The following ATP11B variants were observed in gnomAD, a reference collection of about 807,000 sequenced individuals.
The protein encoded by ATP11B is ATPase phospholipid transporting 11B (putative).
Under a neutral mutation model 157.8 loss-of-function variants are expected in ATP11B, and 81 were observed. The observed-to-expected ratio is 0.51, with a 90% CI of 0.43 to 0.62. ATP11B has a LOEUF of 0.62. Ranked by LOEUF, ATP11B falls within the 20% of genes least tolerant of loss-of-function variation. The pLI, the probability that ATP11B is intolerant of heterozygous loss-of-function variation, is 0.00. For synonymous variants in ATP11B, 451 were observed against 469.4 expected, an observed-to-expected ratio of 0.96 and a Z score of 0.51; for missense variants, 1,165 against 1,402.2, an observed-to-expected ratio of 0.83 and a Z score of 2.70.
intron 1 of ATP11B, among the ~76,000 whole-genome samples, chr3:182,819,441 A>G (rs886687224): frequency 6.6e-6 from 1 of 152,132 alleles, no homozygotes; most frequent in Non-Finnish European, 1.5e-5. Flanking sequence ...TTCACTTGCA[A>G]CTGTGGAAGT....
At chr3:182,833,726 A>G (rs1236688583) in intron 4 of ATP11B, 2 of 152,238 alleles carry the variant, frequency 1.3e-5, no homozygotes, top group Admixed American at 1.3e-4. Flanking sequence ...TTGCTGATAA[A>G]TAGATGAAAA....
intron 10 of ATP11B, among the ~76,000 whole-genome samples, chr3:182,851,980 A>C (rs183633664): frequency 6.6e-6 from 1 of 152,344 alleles, no homozygotes; most frequent in Non-Finnish European, 1.5e-5. Context: ...ATGAAAACTG[A>C]ACACTAGAAT....
intron 1 of ATP11B, among the ~76,000 whole-genome samples, 174 bp from the exon 2 acceptor site, chr3:182,820,086 T>G (rs1217411615): frequency 6.6e-6 from 1 of 152,048 alleles, no homozygotes; most frequent in African/African-American, 2.4e-5. Flanking sequence ...TGTTTACCTG[T>G]GAAAGAAAAA....
intron 28 of ATP11B, among the ~76,000 whole-genome samples, chr3:182,904,772 C>G (rs959491995): frequency 6.6e-6 from 1 of 151,758 alleles, no homozygotes; most frequent in Non-Finnish European, 1.5e-5. Flanking sequence ...GCCTGTAACC[C>G]CAGCTACTCA....
rs1343763705 is a variant in ATP11B, at chr3:182,848,518, A to G, written c.812A>G (p.Asn271Ser). The G allele has an allele frequency of 6.3e-7, 1 of 1,579,182 alleles. No homozygotes were observed. Among genetic ancestry groups the G allele is most frequent in the Non-Finnish European group, 8.6e-7 (1 of 1,162,346 alleles). ...GGAATGGAAACTAAGATGGCATTAA[A>G]TTACAAGAGCAAATCACAGAAACGA... ...YTGMETKMALNYKSKSQKRSA... is the reference protein window; with the variant it reads ...YTGMETKMALSYKSKSQKRSA... Residue 271 changes from asparagine (N) to serine (S), a missense_variant, in exon 10 of 30, where the codon AAT (asparagine) becomes AGT (serine). Physicochemically the swap from Asn to Ser is conservative, Grantham distance 46. Around this residue, in one of 4 missense-constraint regions of ATP11B, gnomAD observed 737 missense variants for 930.5 expected, o/e 0.79. Coordinates refer to ENST00000323116, the MANE Select transcript of ATP11B (RefSeq NM_014616.3).
At chr3:182,915,915 A>G in intron 29 of ATP11B, 1 of 971,298 alleles carries the variant, frequency 1.0e-6, no homozygotes, top group Non-Finnish European at 1.2e-6. Context: ...TTAATATCAT[A>G]TTAGACTATA....
intron 28 of ATP11B, among the ~76,000 whole-genome samples, chr3:182,899,708 A>G (rs1723819315): frequency 6.6e-6 from 1 of 152,136 alleles, no homozygotes; most frequent in Admixed American, 6.5e-5. Context: ...TTTCCTCATT[A>G]GTAAAATTAT....
At chr3:182,816,826 G>C (rs1028915756) in intron 1 of ATP11B, among the ~76,000 whole-genome samples, 4 of 152,128 alleles carry the variant, frequency 2.6e-5, no homozygotes, top group Admixed American at 2.0e-4. Context: ...GCCCATTTAT[G>C]GATCCTGCTC....
intron 19 of ATP11B, among the ~76,000 whole-genome samples, chr3:182,875,060 G>A (rs1318709124): frequency 1.3e-5 from 2 of 152,068 alleles, no homozygotes; most frequent in Admixed American, 6.5e-5. Flanking sequence ...TCTAAATTCT[G>A]TCTTTTTTGT....
At chr3:182,819,235 A>AT (rs569354183) in intron 1 of ATP11B, among the ~76,000 whole-genome samples, 2,171 of 151,318 alleles carry the variant, frequency 0.014, 52 homozygotes, top group African/African-American at 0.051. Context: ...CGCCCGGCTA[A>AT]TTTTTTTTGT....
At chr3:182,858,517 G>T (rs1720596408) in intron 11 of ATP11B, among the ~76,000 whole-genome samples, 1 of 152,054 alleles carries the variant, frequency 6.6e-6, no homozygotes, top group Admixed American at 6.5e-5. Context: ...GTAAATAATT[G>T]TTCTCCAGGT....
intron 4 of ATP11B, among the ~76,000 whole-genome samples, chr3:182,831,628 G>A (rs553709217): frequency 6.6e-6 from 1 of 150,586 alleles, no homozygotes; most frequent in South Asian, 2.1e-4. Flanking sequence ...ACTTGTCCTC[G>A]AACACAGTAA....
intron 25 of ATP11B, among the ~76,000 whole-genome samples, chr3:182,893,686 C>T (rs1723328561): frequency 6.6e-6 from 1 of 152,168 alleles, no homozygotes; most frequent in Non-Finnish European, 1.5e-5. Context: ...ATAATGACTT[C>T]TTTTCCTCTG....
rs1280558820 is a variant in ATP11B, at chr3:182,836,098, G to T, written c.379G>T (p.Val127Phe). ...AGTAAATGGAGCTCCTGTTTATGTT[G>T]TTCGAAGTGGTGGCCTTGTAAAAAC... is the stretch of plus-strand genomic sequence containing the variant. ...NEVNGAPVYV[V>F]RSGGLVKTRS... is the part of the protein sequence containing the mutation. The change falls in exon 5 of 30, where the codon GTT becomes TTT. Residue 127 changes from valine to phenylalanine, a missense_variant. This residue lies in a region of ATP11B where 34 missense variants were observed against 79.6 expected (regional missense o/e 0.43). Coordinates refer to ENST00000323116, the MANE Select transcript of ATP11B (RefSeq NM_014616.3). 1 of 1,613,506 alleles carries T rather than the reference G, an allele frequency of 6.2e-7. No homozygotes were observed. Among genetic ancestry groups the T allele is most frequent in the Non-Finnish European group, 8.5e-7 (1 of 1,179,756 alleles).
chr3:182,826,120 A>G (rs1717702939), intron 2 of ATP11B, among the ~76,000 whole-genome samples: 2 of 152,214 alleles, frequency 1.3e-5, no homozygotes, highest in African/African-American at 2.4e-5. Flanking sequence ...ATATTATGCT[A>G]CTAGAGTTCT....
intron 7 of ATP11B, among the ~76,000 whole-genome samples, chr3:182,839,161 C>G (rs1039361707): frequency 7.9e-5 from 12 of 152,122 alleles, no homozygotes; most frequent in Non-Finnish European, 1.3e-4. Context: ...GGCCATTATC[C>G]TTAACAAACT....
chr3:182,885,300 A>G (rs1206542712), intron 22 of ATP11B, among the ~76,000 whole-genome samples: 1 of 152,166 alleles, frequency 6.6e-6, no homozygotes, highest in African/African-American at 2.4e-5. Context: ...GAAACAAATT[A>G]TGTTGAAATA....
rs750464770 is a variant in ATP11B, at chr3:182,898,752, A to G, written c.3298A>G (p.Thr1100Ala). The G allele has an allele frequency of 1.8e-5, 28 of 1,558,638 alleles. No individual in the cohort carries two copies. The Admixed American group carries it at 3.4e-4, about 19-fold the overall frequency. The change falls in exon 28 of 30, where the codon ACA (threonine) becomes GCA (alanine). Residue 1100 changes from threonine (T) to alanine (A), a missense_variant. Transcript: ENST00000323116. ...GGTCTTTGACCGACACCTCCACCCT[A>G]CAAGTACTGAAAAGGCACAGGTAAC... ...KKVFDRHLHP[T>A]STEKAQLTET...
intron 2 of ATP11B, among the ~76,000 whole-genome samples, chr3:182,823,005 T>C (rs1717469569): frequency 6.6e-6 from 1 of 152,244 alleles, no homozygotes; most frequent in Non-Finnish European, 1.5e-5. Flanking sequence ...TTGTAGATTC[T>C]GGATATTAGC....
Sources: gnomAD v4.1 joint callset for allele counts (sites outside exome capture counted in the v4.1 genomes callset) on GRCh38, gnomAD v4.1.1 for gene constraint, gnomAD v4.1.1 regional missense constraint, MANE v1.5 for transcripts, NCBI Gene and HGNC (gene_info 2026-07-23, HGNC 2026-07-21) for gene names.